The following GRM4 variants were observed in gnomAD, a reference collection of about 807,000 sequenced individuals.
GRM4 encodes metabotropic glutamate receptor 4.
A neutral mutation model predicts 81.7 loss-of-function variants in GRM4; 28 were observed. That is an observed-to-expected ratio of 0.34 (90% CI 0.25 to 0.47). GRM4 has a LOEUF of 0.47. Among genes scored for constraint, GRM4 ranks in the 20% least tolerant of loss-of-function variants. The pLI is 1.00. For missense variants in GRM4, 948 were observed against 1,290.0 expected, an observed-to-expected ratio of 0.73 and a Z score of 4.06; for synonymous variants, 488 against 528.8, an observed-to-expected ratio of 0.92 and a Z score of 1.06.
intron 2 of GRM4, among the ~76,000 whole-genome samples, chr6:34,128,889 T>A (rs917249792): frequency 2.0e-5 from 3 of 152,152 alleles, no homozygotes; most frequent in African/African-American, 7.2e-5. Flanking sequence ...GCAAAATGAA[T>A]AAAAGACTCA....
intron 2 of GRM4, among the ~76,000 whole-genome samples, chr6:34,093,782 G>A (rs568199705): frequency 3.9e-5 from 6 of 152,278 alleles, no homozygotes; most frequent in South Asian, 2.1e-4. Context: ...CAGCTGGCCC[G>A]CTCTCCGCCT....
rs1316774395 is a variant in GRM4, at chr6:34,048,282, G to C, written c.1169-7534C>G. Among the ~76,000 whole-genome samples the C allele has an allele frequency of 6.6e-6, 1 of 152,146 alleles. No homozygotes were observed. The highest frequency in any genetic ancestry group is 1.5e-5 in the Non-Finnish European group (1 of 68,006). ...AGTCACTTAGCATCTATGAGCTTCA[G>C]GCCCCTCGTCTGTGAAGTAAAGCTG... On this transcript the variant is annotated intron_variant, in intron 6 of 10. Transcript: ENST00000538487. The surrounding 1 kb of genome is among the most constrained non-coding windows in gnomAD (Gnocchi z 4.0).
upstream of GRM4, among the ~76,000 whole-genome samples, chr6:34,151,055 TAA>T (rs112144381): frequency 0.047 from 7,119 of 152,158 alleles, 475 homozygotes; most frequent in African/African-American, 0.14. Context: ...GCCTCCAGCA[TAA>T]GAGTGGCCAG....
intron 2 of GRM4, among the ~76,000 whole-genome samples, chr6:34,123,594 T>G (rs1769903061): frequency 6.6e-6 from 1 of 152,130 alleles, no homozygotes. Flanking sequence ...ACATGCCGCC[T>G]CCAGAGCTGG....
intron 1 of GRM4, among the ~76,000 whole-genome samples, chr6:34,144,020 G>C (rs559077699): frequency 1.4e-4 from 21 of 152,354 alleles, no homozygotes; most frequent in African/African-American, 5.1e-4. Flanking sequence ...GTCGGTGTCC[G>C]GAAAGGCCGC....
intron 5 of GRM4, among the ~76,000 whole-genome samples, chr6:34,057,283 C>T (rs568256756): frequency 7.4e-5 from 5 of 67,826 alleles, no homozygotes; most frequent in East Asian, 4.5e-4. Flanking sequence ...TCCTCCCAGA[C>T]GCCCCCCTGC....
At chr6:34,056,439 C>CGT in intron 6 of GRM4, 105 bp downstream of exon 6, 1 of 1,069,454 alleles carries the variant, frequency 9.4e-7, no homozygotes, top group Admixed American at 2.3e-5. Context: ...CTGCCACGGC[C>CGT]GGCCGACGAC....
In GRM4 at chr6:34,059,020, C is replaced by T; in HGVS notation, c.981G>A (p.Val327=). 1 of 1,613,774 alleles carries T rather than the reference C, an allele frequency of 6.2e-7. No homozygotes were observed. The change falls in exon 5 of 11, where the codon GTG becomes GTA. Residue 327 remains valine (V), a synonymous_variant. Coordinates refer to ENST00000538487, the MANE Select transcript of GRM4 (RefSeq NM_000841.4). This position sits in a 1 kb window ranked among gnomAD's most constrained non-coding sequence, Gnocchi z 5.7. Reference sequence around the variant, plus strand: ...GGAGGATCGTGACAGCACCCTCAGCCACCTCCTCCAGGTGCAGCACAGGTG... The same window carrying T: ...GGAGGATCGTGACAGCACCCTCAGCTACCTCCTCCAGGTGCAGCACAGGTG... ...KIAPVLHLEE[V]AEGAVTILPK...
intron 10 of GRM4, 128 bp downstream of exon 10, chr6:34,027,992 C>A: frequency 2.8e-6 from 3 of 1,067,516 alleles, no homozygotes; most frequent in South Asian, 3.2e-5. Context: ...CCCCCAGTGT[C>A]CCCCGCCGCC....
rs1165199200 is a variant in GRM4 at position 34,019,097 on chromosome 6, G to A, written c.*3724C>T. ...GAGGCCTGGAGGCTGAGGCAGTGTG[G>A]GGGCAGCTGGCATGTGGCCCACTGA... On this transcript the variant is annotated 3_prime_UTR_variant, in exon 11 of 11. Coordinates refer to ENST00000538487, the MANE Select transcript of GRM4 (RefSeq NM_000841.4). 3.3e-5 allele frequency: 5 copies of A among 152,338 alleles called. No individual in the cohort carries two copies. Among genetic ancestry groups the A allele is most frequent in the African/African-American group, 1.2e-4 (5 of 41,446 alleles). The allele number at this position is 152,338 out of a possible 1,614,324, so 9.4% of individuals were successfully genotyped here. A position where few individuals can be genotyped will look rare whatever the true frequency, so the allele number is the denominator to read the frequency against.
At chr6:34,141,292 G>A (rs200424081) in intron 1 of GRM4, among the ~76,000 whole-genome samples, 8 of 152,130 alleles carry the variant, frequency 5.3e-5, no homozygotes, top group East Asian at 1.9e-4. Flanking sequence ...ACCAATGGGC[G>A]ACCAGTGCCT....
intron 1 of GRM4, among the ~76,000 whole-genome samples, chr6:34,141,354 T>C (rs1273168763): frequency 1.3e-5 from 2 of 152,228 alleles, no homozygotes; most frequent in Non-Finnish European, 2.9e-5. Flanking sequence ...CCTGTCAGCA[T>C]GGCTCGGCCC....
Position 34,123,914 on chromosome 6 carries a change from G to T in GRM4, c.519+9064C>A, listed in dbSNP as rs544455247. 1.5e-4 allele frequency among the ~76,000 whole-genome samples: 23 copies of T among 152,292 alleles called. No homozygotes were observed. In the South Asian group the frequency reaches 4.6e-3, roughly 30 times the overall value. On this transcript the variant is annotated intron_variant, in intron 2 of 10. Transcript: ENST00000538487. ...TCTGTCCATCCTCAGGCTGGGGGCT[G>T]GGGGGAGTAACGGGGTGGGGTCCGA...
chr6:34,110,200 A>G (rs1435252520), intron 2 of GRM4, among the ~76,000 whole-genome samples: 1 of 150,680 alleles, frequency 6.6e-6, no homozygotes, highest in Admixed American at 6.6e-5. Flanking sequence ...AAGCTGAGGT[A>G]CGAGGATCGC....
At chr6:34,049,461 C>G (rs1450562023) in intron 6 of GRM4, among the ~76,000 whole-genome samples, 1 of 152,082 alleles carries the variant, frequency 6.6e-6, no homozygotes, top group Non-Finnish European at 1.5e-5. Flanking sequence ...GACCTCTTCT[C>G]TAGCCACACA....
chr6:34,025,712 T>C (rs1764099656), intron 10 of GRM4, among the ~76,000 whole-genome samples: 1 of 152,166 alleles, frequency 6.6e-6, no homozygotes, highest in South Asian at 2.1e-4. Context: ...TGGGGACCAG[T>C]CCTGCCCGCA....
intron 6 of GRM4, among the ~76,000 whole-genome samples, chr6:34,045,911 C>A (rs1360157453): frequency 1.3e-5 from 2 of 152,236 alleles, no homozygotes; most frequent in African/African-American, 4.8e-5. Flanking sequence ...ATGCATTTGG[C>A]TCTGCCATGG....
intron 10 of GRM4, among the ~76,000 whole-genome samples, chr6:34,023,952 A>G (rs9469683): frequency 0.076 from 11,622 of 152,200 alleles, 1,284 homozygotes; most frequent in African/African-American, 0.24. Context: ...GCAGGGGCTG[A>G]TCTGCGAGTC....
chr6:34,084,732 C>T (rs1024881908), intron 3 of GRM4, among the ~76,000 whole-genome samples: 1 of 152,216 alleles, frequency 6.6e-6, no homozygotes, highest in African/African-American at 2.4e-5. Flanking sequence ...CAACCCAGGC[C>T]TCTCATCGCT....
Sources: gnomAD v4.1 joint callset for allele counts (sites outside exome capture counted in the v4.1 genomes callset) on GRCh38, gnomAD v4.1.1 for gene constraint, Gnocchi (gnomAD v3.1) non-coding constraint, MANE v1.5 for transcripts, NCBI Gene and HGNC (gene_info 2026-07-23, HGNC 2026-07-21) for gene names.